The following DLG2 variants were observed in gnomAD, a reference collection of about 807,000 sequenced individuals.
DLG2 encodes the protein discs large MAGUK scaffold protein 2, also known as disks large homolog 2.
A neutral mutation model predicts 132.5 loss-of-function variants in DLG2; 45 were observed. The observed-to-expected ratio is 0.34, with a 90% CI of 0.27 to 0.44. The LOEUF (loss-of-function observed/expected upper bound fraction) is 0.44. Ranked by LOEUF, DLG2 falls within the 20% of genes least tolerant of loss-of-function variation. DLG2 has a pLI of 1.00. For missense variants in DLG2, 1,045 were observed against 1,196.9 expected (o/e 0.87, Z 1.87); for synonymous variants, 424 against 419.6 (o/e 1.01, Z -0.13).
At chr11:84,779,638 G>C (rs981219779) in intron 6 of DLG2, among the ~76,000 whole-genome samples, 2 of 151,982 alleles carry the variant, frequency 1.3e-5, no homozygotes, top group African/African-American at 4.8e-5. Flanking sequence ...CTTCTAGCTA[G>C]ACTAACCAAG....
At chr11:85,013,188 T>C (rs2059298699) in intron 6 of DLG2, among the ~76,000 whole-genome samples, 1 of 152,192 alleles carries the variant, frequency 6.6e-6, no homozygotes, top group Non-Finnish European at 1.5e-5. Context: ...GAACCTTTTA[T>C]AGCACTTGTA....
At chr11:84,153,937 C>T (rs2154253637) in intron 9 of DLG2, among the ~76,000 whole-genome samples, 1 of 152,312 alleles carries the variant, frequency 6.6e-6, no homozygotes, top group East Asian at 1.9e-4. Flanking sequence ...CTGATTCTTT[C>T]TCACCTGAGA....
intron 3 of DLG2, among the ~76,000 whole-genome samples, chr11:85,351,007 C>A (rs2083248311): frequency 6.6e-6 from 1 of 152,098 alleles, no homozygotes; most frequent in South Asian, 2.1e-4. Flanking sequence ...GGCAGTATGG[C>A]CATTTGCATG....
intron 18 of DLG2, among the ~76,000 whole-genome samples, chr11:83,696,027 T>A (rs2081874106): frequency 6.6e-6 from 1 of 152,154 alleles, no homozygotes; most frequent in South Asian, 2.1e-4. Context: ...CCATAGGCCA[T>A]GGGAGCCTCT....
intron 8 of DLG2, among the ~76,000 whole-genome samples, chr11:84,199,774 C>T (rs2096568155): frequency 6.6e-6 from 1 of 151,874 alleles, no homozygotes; most frequent in Non-Finnish European, 1.5e-5. Context: ...AAAAATACTG[C>T]AAAATAAACC....
At chr11:83,582,005 G>C (rs991574371) in intron 19 of DLG2, among the ~76,000 whole-genome samples, 1 of 125,988 alleles carries the variant, frequency 7.9e-6, no homozygotes, top group Non-Finnish European at 1.6e-5. Context: ...TGCGCAGGCT[G>C]GAGTGCAATG....
intron 11 of DLG2, among the ~76,000 whole-genome samples, chr11:84,026,993 T>C (rs1227097846): frequency 6.6e-6 from 1 of 152,050 alleles, no homozygotes; most frequent in African/African-American, 2.4e-5. Flanking sequence ...TCGGTCTTCT[T>C]TTATATTACT....
chr11:84,000,450 T>C (rs1447918701), intron 11 of DLG2, among the ~76,000 whole-genome samples: 1 of 151,884 alleles, frequency 6.6e-6, no homozygotes, highest in Non-Finnish European at 1.5e-5. Context: ...AAAAACTATT[T>C]AACATAATAT....
chr11:84,861,212 C>T (rs183836375), intron 6 of DLG2, among the ~76,000 whole-genome samples: 29 of 152,084 alleles, frequency 1.9e-4, no homozygotes, highest in South Asian at 1.5e-3. Flanking sequence ...AAAGAACTGG[C>T]TTCCTAAAGG....
chr11:85,512,133 G>T (rs2094086637), intron 3 of DLG2, among the ~76,000 whole-genome samples: 1 of 151,958 alleles, frequency 6.6e-6, no homozygotes, highest in Non-Finnish European at 1.5e-5. Context: ...CCAAAGAACA[G>T]GTACAGCAAT....
chr11:84,231,013 T>G (rs1417364393), intron 8 of DLG2, among the ~76,000 whole-genome samples: 1 of 152,208 alleles, frequency 6.6e-6, no homozygotes, highest in Non-Finnish European at 1.5e-5. Flanking sequence ...TCATTAGAAA[T>G]TGTTACCCTG....
chr11:84,863,246 T>C (rs1310606237), intron 6 of DLG2, among the ~76,000 whole-genome samples: 1 of 152,134 alleles, frequency 6.6e-6, no homozygotes, highest in Non-Finnish European at 1.5e-5. Flanking sequence ...ATTCTTCTAA[T>C]AGCTTCTGAC....
At chr11:84,169,067 C>T (rs1034873674) in intron 8 of DLG2, among the ~76,000 whole-genome samples, 1 of 152,020 alleles carries the variant, frequency 6.6e-6, no homozygotes, top group South Asian at 2.1e-4. Context: ...TTGATGAGTG[C>T]GAGTTTGGGT....
intron 22 of DLG2, 48 bp downstream of exon 22, chr11:83,484,081 T>C (rs752935048): frequency 5.9e-6 from 9 of 1,522,016 alleles, no homozygotes; most frequent in Non-Finnish European, 7.3e-6. Flanking sequence ...CCTGTGAATT[T>C]TTTTTCTCTT....
At chr11:85,523,959 C>T (rs562381111) in intron 3 of DLG2, among the ~76,000 whole-genome samples, 7 of 152,158 alleles carry the variant, frequency 4.6e-5, no homozygotes, top group East Asian at 1.9e-4. Flanking sequence ...GAGGTCATTA[C>T]GTAAAGTTAA....
intron 7 of DLG2, among the ~76,000 whole-genome samples, chr11:84,475,965 TC>T (rs975373423): frequency 1.3e-5 from 2 of 152,194 alleles, no homozygotes; most frequent in African/African-American, 4.8e-5. Flanking sequence ...ATTGTATACA[TC>T]CCTACACTGA....
intron 3 of DLG2, among the ~76,000 whole-genome samples, chr11:85,427,653 T>A (rs146144157): frequency 0.035 from 5,340 of 152,256 alleles, 143 homozygotes; most frequent in Admixed American, 0.051. Context: ...GAACAACCGG[T>A]ATCAGCCACT....
intron 7 of DLG2, among the ~76,000 whole-genome samples, chr11:84,502,366 CTTT>C (rs2099220297): frequency 1.3e-5 from 1 of 76,374 alleles, no homozygotes; most frequent in Non-Finnish European, 2.4e-5. Context: ...TTCTTTCTTT[CTTT>C]CTTTCTTTCT....
At chr11:84,085,062 C>G (rs1055587649) in intron 10 of DLG2, among the ~76,000 whole-genome samples, 1 of 152,196 alleles carries the variant, frequency 6.6e-6, no homozygotes, top group African/African-American at 2.4e-5. Context: ...GACAGTAGCT[C>G]TAACATCTTT....
Sources: gnomAD v4.1 joint callset for allele counts (sites outside exome capture counted in the v4.1 genomes callset) on GRCh38, gnomAD v4.1.1 for gene constraint, MANE v1.5 for transcripts, NCBI Gene and HGNC (gene_info 2026-07-23, HGNC 2026-07-21) for gene names.